DNAJC15: variants seen among roughly 807,000 people sequenced by gnomAD.
DNAJC15 encodes DnaJ heat shock protein family (Hsp40) member C15.
A neutral mutation model predicts 22.4 loss-of-function variants in DNAJC15; 27 were observed. That is an observed-to-expected ratio of 1.20 (90% CI 0.89 to 1.66). The LOEUF (loss-of-function observed/expected upper bound fraction) is 1.66, where lower values mean the gene tolerates loss of function less well. Among genes scored for constraint, DNAJC15 ranks in the 40% most tolerant of loss-of-function variants. The pLI, the probability that DNAJC15 is intolerant of heterozygous loss-of-function variation, is 0.00. For missense variants in DNAJC15, 208 were observed against 187.1 expected, an observed-to-expected ratio of 1.11 and a Z score of -0.65; for synonymous variants, 79 against 63.2, an observed-to-expected ratio of 1.25 and a Z score of -1.19.
At chr13:43,088,142 A>G (rs1036774272) in intron 5 of DNAJC15, among the ~76,000 whole-genome samples, 2 of 152,204 alleles carry the variant, frequency 1.3e-5, no homozygotes, top group African/African-American at 4.8e-5. Context: ...TATTTTGCCT[A>G]TTCTTACCAG....
Position 43,065,686 on chromosome 13 carries a change from G to A in DNAJC15, c.109G>A (p.Val37Ile). ...GTAATATTCATTTTTTCTTCCATAG[G>A]TAAGAAGTTTGATAGCTGTAGGACT... ...PDADVDQQRL[V>I]RSLIAVGLGV... Residue 37 changes from valine to isoleucine, a missense_variant and splice_region_variant, in exon 2 of 6, where the codon GTA (valine) becomes ATA (isoleucine). Coordinates refer to ENST00000379221, the MANE Select transcript of DNAJC15 (RefSeq NM_013238.3). The A allele has an allele frequency of 5.6e-6, 9 of 1,612,404 alleles. No individual in the cohort carries two copies. Among genetic ancestry groups the A allele is most frequent in the Non-Finnish European group, 7.6e-6 (9 of 1,179,304 alleles).
intron 2 of DNAJC15, among the ~76,000 whole-genome samples, chr13:43,068,216 T>C (rs1336839426): frequency 1.3e-5 from 2 of 152,112 alleles, no homozygotes; most frequent in Non-Finnish European, 2.9e-5. Flanking sequence ...GTGCAAAAGA[T>C]AAAGTAGCTA....
chr13:43,098,405 G>A (rs1429919086), intron 5 of DNAJC15, among the ~76,000 whole-genome samples: 1 of 152,154 alleles, frequency 6.6e-6, no homozygotes, highest in African/African-American at 2.4e-5. Flanking sequence ...CAACTTATTA[G>A]GGATGTCATA....
intron 1 of DNAJC15, among the ~76,000 whole-genome samples, chr13:43,052,695 G>GC (rs1374958422): frequency 6.6e-6 from 1 of 152,172 alleles, no homozygotes; most frequent in African/African-American, 2.4e-5. Flanking sequence ...TGGATTACAG[G>GC]CATGAGACAC....
At chr13:43,068,057 C>G (rs867577668) in intron 2 of DNAJC15, among the ~76,000 whole-genome samples, 8 of 152,120 alleles carry the variant, frequency 5.3e-5, no homozygotes, top group Middle Eastern at 3.4e-3. Flanking sequence ...AAACAGTATA[C>G]ATAGGTAGTT....
At chr13:43,045,439 C>T (rs987107591) in intron 1 of DNAJC15, among the ~76,000 whole-genome samples, 3 of 152,122 alleles carry the variant, frequency 2.0e-5, no homozygotes, top group Non-Finnish European at 1.5e-5. Flanking sequence ...ATTTCCGTCC[C>T]TTTTACGGGC....
intron 5 of DNAJC15, among the ~76,000 whole-genome samples, chr13:43,099,770 G>A (rs1230089665): frequency 6.6e-6 from 1 of 151,934 alleles, no homozygotes; most frequent in East Asian, 1.9e-4. Flanking sequence ...CCCTTGGTTG[G>A]TTGTGGTTTA....
intron 5 of DNAJC15, among the ~76,000 whole-genome samples, chr13:43,089,988 A>G (rs1264747667): frequency 6.6e-6 from 1 of 152,244 alleles, no homozygotes; most frequent in Non-Finnish European, 1.5e-5. Context: ...CTATCCATAT[A>G]TATGCATATG....
chr13:43,063,710 A>G (rs1386238787), intron 1 of DNAJC15, among the ~76,000 whole-genome samples: 3 of 152,116 alleles, frequency 2.0e-5, no homozygotes, highest in Non-Finnish European at 4.4e-5. Context: ...GATATGTGCT[A>G]TTAGCTATGT....
chr13:43,030,098 G>T (rs1003408248), intron 1 of DNAJC15, among the ~76,000 whole-genome samples: 2 of 152,164 alleles, frequency 1.3e-5, no homozygotes, highest in Admixed American at 6.5e-5. Context: ...ATCAGAGTAC[G>T]TATAATACTC....
intron 1 of DNAJC15, among the ~76,000 whole-genome samples, chr13:43,040,969 T>C (rs1368783662): frequency 6.6e-6 from 1 of 152,128 alleles, no homozygotes; most frequent in Non-Finnish European, 1.5e-5. Flanking sequence ...TACAATCTGG[T>C]TTTATACTGA....
chr13:43,067,639 A>T (rs2040590147), intron 2 of DNAJC15, among the ~76,000 whole-genome samples: 1 of 152,154 alleles, frequency 6.6e-6, no homozygotes, highest in Non-Finnish European at 1.5e-5. Flanking sequence ...TAACAACAAG[A>T]TCTCTTCCAG....
chr13:43,097,944 AG>A (rs1374817869), intron 5 of DNAJC15, among the ~76,000 whole-genome samples: 4 of 152,222 alleles, frequency 2.6e-5, no homozygotes, highest in Non-Finnish European at 5.9e-5. Flanking sequence ...TCTCAAAAAA[AG>A]AAAGGTCTAA....
intron 3 of DNAJC15, among the ~76,000 whole-genome samples, chr13:43,074,943 C>A (rs1246741366): frequency 1.3e-5 from 2 of 152,154 alleles, no homozygotes; most frequent in East Asian, 3.8e-4. Flanking sequence ...CAAAACTCAC[C>A]TATGCTGAGG....
At chr13:43,024,849 A>C (rs1461153581) in intron 1 of DNAJC15, among the ~76,000 whole-genome samples, 3 of 143,180 alleles carry the variant, frequency 2.1e-5, no homozygotes, top group African/African-American at 7.7e-5. Context: ...TGAGGCCATG[A>C]GTTTGGAGGA....
intron 1 of DNAJC15, among the ~76,000 whole-genome samples, chr13:43,033,062 C>T (rs1283138087): frequency 6.6e-6 from 1 of 152,154 alleles, no homozygotes; most frequent in East Asian, 1.9e-4. Context: ...CCAGATCTTG[C>T]AAGAACTCAC....
chr13:43,042,675 G>A (rs937439395), intron 1 of DNAJC15, among the ~76,000 whole-genome samples: 2 of 152,178 alleles, frequency 1.3e-5, no homozygotes, highest in African/African-American at 4.8e-5. Context: ...TGTAGGGCAG[G>A]CCCACAGTCT....
rs2153439649 is a variant in DNAJC15, at chr13:43,036,928, G to A, written c.108+13194G>A. Among the ~76,000 whole-genome samples, 2 of 152,368 alleles carry A rather than the reference G, an allele frequency of 1.3e-5. 1 individual carries two copies. The highest frequency in any genetic ancestry group is 6.8e-3 in the Middle Eastern group (2 of 294). Reference sequence around the variant, plus strand: ...GCCGTGAGTCGGGAGAGGCCAGGCAGTGGGAGCAGGCATTTCTAAGCCTGT... The same window carrying A: ...GCCGTGAGTCGGGAGAGGCCAGGCAATGGGAGCAGGCATTTCTAAGCCTGT... On this transcript the variant is annotated intron_variant, in intron 1 of 5. Transcript: ENST00000379221.
chr13:43,085,860 CATA>C (rs1212570588), intron 5 of DNAJC15, 22 bp downstream of exon 5: 2 of 1,590,492 alleles, frequency 1.3e-6, no homozygotes, highest in Non-Finnish European at 1.7e-6. Context: ...TCCTATTTTT[CATA>C]ATATGTATAT....
Sources: allele counts gnomAD v4.1 joint callset (sites outside exome capture counted in the v4.1 genomes callset), GRCh38; gene constraint gnomAD v4.1.1; transcripts MANE v1.5; gene names NCBI Gene and HGNC (gene_info 2026-07-23, HGNC 2026-07-21).